The following NKAIN3 variants were observed in gnomAD, a reference collection of about 807,000 sequenced individuals.
The protein encoded by NKAIN3 is sodium/potassium-transporting ATPase subunit beta-1-interacting protein 3.
NKAIN3 carries 25 observed loss-of-function variants against 30.2 expected under a neutral mutation model. That is an observed-to-expected ratio of 0.83 (90% CI 0.60 to 1.16). The LOEUF (loss-of-function observed/expected upper bound fraction) is 1.16. NKAIN3 is among the 50% of genes most tolerant of loss of function. The pLI, the probability that NKAIN3 is intolerant of heterozygous loss-of-function variation, is 0.00. For synonymous variants in NKAIN3, 91 were observed against 89.6 expected, an observed-to-expected ratio of 1.02 and a Z score of -0.09; for missense variants, 225 against 254.1, an observed-to-expected ratio of 0.89 and a Z score of 0.78.
chr8:62,918,296 G>C (rs975786441), intron 4 of NKAIN3, among the ~76,000 whole-genome samples, 157 bp from the exon 5 acceptor site: 4 of 152,102 alleles, frequency 2.6e-5, no homozygotes, highest in Admixed American at 1.3e-4. Flanking sequence ...AAATGAAAAG[G>C]CTCTTTTAAA....
chr8:62,508,925 G>C (rs1807730114), intron 1 of NKAIN3, among the ~76,000 whole-genome samples: 1 of 133,762 alleles, frequency 7.5e-6, no homozygotes, highest in Non-Finnish European at 1.6e-5. Context: ...CAATTCAACA[G>C]GTTTCTAAAA....
At chr8:62,620,706 T>C (rs1397822113) in intron 3 of NKAIN3, among the ~76,000 whole-genome samples, 1 of 152,190 alleles carries the variant, frequency 6.6e-6, no homozygotes, top group Non-Finnish European at 1.5e-5. Flanking sequence ...TTTTTATTCA[T>C]CCCTCTCCAG....
intron 1 of NKAIN3, among the ~76,000 whole-genome samples, chr8:62,271,594 G>A (rs1812779457): frequency 6.6e-6 from 1 of 152,096 alleles, no homozygotes; most frequent in African/African-American, 2.4e-5. Flanking sequence ...ATAGTAAAGA[G>A]TACCAACAAT....
chr8:62,501,768 T>G (rs144825212), intron 1 of NKAIN3, among the ~76,000 whole-genome samples: 8 of 152,310 alleles, frequency 5.3e-5, no homozygotes, highest in African/African-American at 1.9e-4. Flanking sequence ...CATAAGCCAC[T>G]GGGCTTACAT....
chr8:62,456,621 T>A (rs557364940), intron 1 of NKAIN3, among the ~76,000 whole-genome samples: 1 of 152,324 alleles, frequency 6.6e-6, no homozygotes, highest in South Asian at 2.1e-4. Flanking sequence ...GAATCATAGG[T>A]TTGCCTTGGC....
intron 1 of NKAIN3, among the ~76,000 whole-genome samples, chr8:62,421,060 T>G (rs1271832706): frequency 6.6e-6 from 1 of 152,108 alleles, no homozygotes; most frequent in African/African-American, 2.4e-5. Flanking sequence ...CACACAACTT[T>G]GAAAAAGAAA....
At position 62,589,800 on chromosome 8, in the gene NKAIN3, T is replaced by A; in HGVS notation, c.273+6T>A. 1 of 1,519,970 alleles carries A rather than the reference T, an allele frequency of 6.6e-7. No homozygotes were observed. Among genetic ancestry groups the A allele is most frequent in the Non-Finnish European group, 9.1e-7 (1 of 1,097,840 alleles). 94.2% of individuals were successfully genotyped at this position (1,519,970 alleles called of 1,614,324 possible). ...AAGTAGGTGGACTCTCAAAGGTGAGTTTATCATGCTTTTAAAGTACACTTT... is the reference window on the plus strand; with the variant it reads ...AAGTAGGTGGACTCTCAAAGGTGAGATTATCATGCTTTTAAAGTACACTTT... On this transcript the variant is annotated splice_donor_region_variant and intron_variant, in intron 3 of 6. Transcript: ENST00000623646.
intron 5 of NKAIN3, among the ~76,000 whole-genome samples, chr8:62,944,256 C>T (rs1823061332): frequency 6.6e-6 from 1 of 151,956 alleles, no homozygotes; most frequent in Non-Finnish European, 1.5e-5. Context: ...TTTCATTTAT[C>T]TATTGTCCTT....
chr8:62,381,290 G>C (rs1333440651), intron 1 of NKAIN3, among the ~76,000 whole-genome samples: 1 of 152,022 alleles, frequency 6.6e-6, no homozygotes, highest in African/African-American at 2.4e-5. Context: ...CTGAGAATCA[G>C]TTTTCTTCAC....
chr8:62,861,187 C>T (rs1820228184), intron 4 of NKAIN3, among the ~76,000 whole-genome samples: 1 of 152,152 alleles, frequency 6.6e-6, no homozygotes, highest in South Asian at 2.1e-4. Context: ...ATCTGGGGAT[C>T]CTCAAAGTTC....
At chr8:62,385,334 G>A (rs975968988) in intron 1 of NKAIN3, among the ~76,000 whole-genome samples, 1 of 152,100 alleles carries the variant, frequency 6.6e-6, no homozygotes, top group Non-Finnish European at 1.5e-5. Context: ...AGATTTGGAA[G>A]CCTATGGTGG....
chr8:62,754,422 T>C (rs935641343), intron 4 of NKAIN3, among the ~76,000 whole-genome samples: 2 of 152,022 alleles, frequency 1.3e-5, no homozygotes, highest in African/African-American at 4.8e-5. Flanking sequence ...TTATAACTAG[T>C]AGAAAAATCC....
intron 3 of NKAIN3, among the ~76,000 whole-genome samples, chr8:62,607,869 A>T (rs1205941214): frequency 6.6e-6 from 1 of 152,134 alleles, no homozygotes; most frequent in African/African-American, 2.4e-5. Context: ...ATGTTACCAA[A>T]AATAGGCTTT....
At chr8:62,264,492 C>A (rs1812546414) in intron 1 of NKAIN3, among the ~76,000 whole-genome samples, 1 of 152,130 alleles carries the variant, frequency 6.6e-6, no homozygotes, top group Non-Finnish European at 1.5e-5. Context: ...AACTTGGGCA[C>A]CTTCCTTATT....
chr8:62,416,095 C>A (rs1392717682), intron 1 of NKAIN3, among the ~76,000 whole-genome samples: 7 of 152,112 alleles, frequency 4.6e-5, no homozygotes, highest in Admixed American at 4.6e-4. Flanking sequence ...TAATGAGTCC[C>A]CTTTTTTCTG....
At chr8:62,531,569 C>T (rs1215676816) in intron 1 of NKAIN3, among the ~76,000 whole-genome samples, 1 of 152,166 alleles carries the variant, frequency 6.6e-6, no homozygotes, top group African/African-American at 2.4e-5. Context: ...GAGCTAATCA[C>T]ATGTCAGTTT....
rs1823940146 is a variant in NKAIN3, at chr8:62,976,325, CTT to C, written c.*10920_*10921del. On this transcript the variant is annotated 3_prime_UTR_variant, in exon 7 of 7. Transcript: ENST00000623646. ...TATTATTGTGTGGTAGTCTAAGTCT[CTT>C]TGTAGGTCTCTAAGAACTTGCTTTA... Among the ~76,000 whole-genome samples, 1 of 152,030 alleles carries C rather than the reference CTT, an allele frequency of 6.6e-6. No individual in the cohort carries two copies. Among genetic ancestry groups the C allele is most frequent in the South Asian group, 2.1e-4 (1 of 4,824 alleles).
At chr8:62,845,134 ATT>A (rs1049103814) in intron 4 of NKAIN3, among the ~76,000 whole-genome samples, 1 of 151,330 alleles carries the variant, frequency 6.6e-6, no homozygotes, top group Non-Finnish European at 1.5e-5. Context: ...CATGTGTTGG[ATT>A]TTTTTAGGGT....
intron 1 of NKAIN3, among the ~76,000 whole-genome samples, chr8:62,351,540 C>T (rs148385531): frequency 9.6e-4 from 143 of 149,732 alleles, no homozygotes; most frequent in African/African-American, 3.2e-3. Context: ...CATTTAAATA[C>T]ACAACATATA....
Sources: gnomAD v4.1 joint callset for allele counts (sites outside exome capture counted in the v4.1 genomes callset) on GRCh38, gnomAD v4.1.1 for gene constraint, MANE v1.5 for transcripts, NCBI Gene and HGNC (gene_info 2026-07-23, HGNC 2026-07-21) for gene names.